Variants in MEP1A observed in about 807,000 individuals in gnomAD.
The protein encoded by MEP1A is N-benzoyl-L-tyrosyl-P-amino-benzoic acid hydrolase subunit alpha.
A neutral mutation model predicts 84.5 loss-of-function variants in MEP1A; 68 were observed. The ratio of observed to expected loss-of-function variants is 0.80; its 90% CI spans 0.66 to 0.98. MEP1A has a LOEUF of 0.98. Among genes scored for constraint, MEP1A ranks in the 50% least tolerant of loss-of-function variants. The pLI is 0.00. For missense variants in MEP1A, 887 were observed against 919.9 expected, an observed-to-expected ratio of 0.96 and a Z score of 0.46; for synonymous variants, 337 against 336.8, an observed-to-expected ratio of 1.00 and a Z score of -0.01.
At chr6:46,829,976 C>A (rs1336210105) in intron 10 of MEP1A, among the ~76,000 whole-genome samples, 1 of 151,926 alleles carries the variant, frequency 6.6e-6, no homozygotes, top group African/African-American at 2.4e-5. Context: ...AATAGTTGAC[C>A]AGCTCACGCC....
At chr6:46,796,494 C>T (rs1269196736) in intron 3 of MEP1A, among the ~76,000 whole-genome samples, 1 of 152,154 alleles carries the variant, frequency 6.6e-6, no homozygotes, top group Non-Finnish European at 1.5e-5. Flanking sequence ...TACTTTTCAC[C>T]ATTTGTCACA....
intron 7 of MEP1A, among the ~76,000 whole-genome samples, chr6:46,820,674 CA>C (rs904551661): frequency 3.9e-5 from 6 of 152,112 alleles, no homozygotes; most frequent in Non-Finnish European, 5.9e-5. Context: ...AGGCATGAGC[CA>C]CCACCGTGTC....
intron 5 of MEP1A, among the ~76,000 whole-genome samples, chr6:46,799,989 T>C (rs1244366971): frequency 1.3e-5 from 2 of 152,210 alleles, no homozygotes; most frequent in African/African-American, 4.8e-5. Flanking sequence ...ATGTAGATTA[T>C]GTTTCAGTAT....
intron 13 of MEP1A, 65 bp from the exon 14 acceptor site, chr6:46,838,915 G>A (rs1311994552): frequency 1.4e-6 from 2 of 1,394,012 alleles, no homozygotes; most frequent in East Asian, 2.3e-5. Context: ...GTGGAGATGA[G>A]TGTTGCTAGG....
chr6:46,809,081 T>G (rs1222969568), intron 5 of MEP1A, among the ~76,000 whole-genome samples: 1 of 152,108 alleles, frequency 6.6e-6, no homozygotes, highest in Non-Finnish European at 1.5e-5. Flanking sequence ...CAATGCACTC[T>G]AAATCTCTGC....
intron 5 of MEP1A, among the ~76,000 whole-genome samples, chr6:46,807,593 G>A (rs866723588): frequency 2.2e-4 from 20 of 91,146 alleles, no homozygotes; most frequent in South Asian, 4.4e-4. Flanking sequence ...AGGAAGGAAG[G>A]AAGGAAGGAA....
In MEP1A at chr6:46,831,871, A is replaced by G. The variant is rs145530496; in HGVS notation, c.1145-1203A>G. 4.5e-4 allele frequency among the ~76,000 whole-genome samples: 68 copies of G among 152,228 alleles called. No individual in the cohort carries two copies. The East Asian group carries it at 8.5e-3, about 19-fold the overall frequency. On this transcript the variant is annotated intron_variant, in intron 10 of 13. Transcript: ENST00000230588. ...GGAGAGGGCAGCTGCCTAGATTTGTATGTTACAGAGGTGGTCGTGTGCCTT... is the reference window on the plus strand; with the variant it reads ...GGAGAGGGCAGCTGCCTAGATTTGTGTGTTACAGAGGTGGTCGTGTGCCTT...
At chr6:46,818,931 G>A (rs1013343496) in intron 6 of MEP1A, among the ~76,000 whole-genome samples, 1 of 152,134 alleles carries the variant, frequency 6.6e-6, no homozygotes, top group East Asian at 1.9e-4. Context: ...TTTGAGACCA[G>A]GCTGGGCAAC....
chr6:46,835,411 G>A lies in MEP1A; in HGVS notation c.1946G>A (p.Ser649Asn). The A allele has an allele frequency of 6.2e-7, 1 of 1,612,250 alleles. No individual in the cohort carries two copies. Among genetic ancestry groups the A allele is most frequent in the Non-Finnish European group, 8.5e-7 (1 of 1,179,170 alleles). Residue 649 changes from serine (S) to asparagine (N), a missense_variant, in exon 13 of 14, where the codon AGC (serine) becomes AAC (asparagine). Coordinates refer to ENST00000230588, the MANE Select transcript of MEP1A (RefSeq NM_005588.3). ...GTCAGCCTGAGCCAGGGGCAGCCCA[G>A]CCGACAGAAGCGGTCGGTGGAGAAC... ...LPVSLSQGQP[S>N]RQKRSVENTG...
intron 6 of MEP1A, among the ~76,000 whole-genome samples, chr6:46,813,124 C>T (rs112732366): frequency 0.015 from 2,230 of 151,962 alleles, 49 homozygotes; most frequent in African/African-American, 0.05. Context: ...CTAGTAGTAA[C>T]AGTTTTATAA....
At position 46,825,431 on chromosome 6, in the gene MEP1A, T is replaced by A; in HGVS notation, c.716T>A (p.Ile239Asn). Reference sequence around the variant, plus strand: ...AAGATCCCTGAGTTTAACTCCATTATCGGACAGCGCCTGGATTTCAGTGCC... The same window carrying A: ...AAGATCCCTGAGTTTAACTCCATTAACGGACAGCGCCTGGATTTCAGTGCC... ...TAKIPEFNSI[I>N]GQRLDFSAID... The change falls in exon 8 of 14, where the codon ATC becomes AAC. Residue 239 changes from isoleucine (I) to asparagine (N), a missense_variant. By Grantham distance (149) the Ile-to-Asn change is moderately radical. Transcript: ENST00000230588. The A allele has an allele frequency of 6.2e-7, 1 of 1,613,924 alleles. No homozygotes were observed. Among genetic ancestry groups the A allele is most frequent in the Non-Finnish European group, 8.5e-7 (1 of 1,179,860 alleles).
chr6:46,811,883 T>C (rs537562659), intron 6 of MEP1A, among the ~76,000 whole-genome samples: 1 of 152,212 alleles, frequency 6.6e-6, no homozygotes, highest in South Asian at 2.1e-4. Flanking sequence ...CAGTACATTA[T>C]TGAGGATTTT....
intron 5 of MEP1A, among the ~76,000 whole-genome samples, chr6:46,802,149 A>AT (rs1193452078): frequency 1.3e-5 from 2 of 151,882 alleles, no homozygotes; most frequent in Non-Finnish European, 2.9e-5. Context: ...GAATGTGTTG[A>AT]TTCTGTACAT....
intron 6 of MEP1A, among the ~76,000 whole-genome samples, chr6:46,815,220 A>C (rs949827625): frequency 6.6e-6 from 1 of 152,154 alleles, no homozygotes; most frequent in African/African-American, 2.4e-5. Context: ...TGGAGCAGGG[A>C]TAGGCATGTC....
At chr6:46,818,147 G>A (rs1157798045) in intron 6 of MEP1A, among the ~76,000 whole-genome samples, 1 of 152,196 alleles carries the variant, frequency 6.6e-6, no homozygotes, top group Non-Finnish European at 1.5e-5. Context: ...AGAGAGGCAA[G>A]TTGATCATGG....
rs373966633 is a variant in MEP1A at position 46,838,017 on chromosome 6, G to A, written c.2085-963G>A. On this transcript the variant is annotated intron_variant, in intron 13 of 13. Transcript: ENST00000230588. Reference sequence around the variant, plus strand: ...AGCAATTCTACTGCCTCAGCCTCCCGAGTAGCTGGGATTACAGGTGCCCAC... The same window carrying A: ...AGCAATTCTACTGCCTCAGCCTCCCAAGTAGCTGGGATTACAGGTGCCCAC... Among the ~76,000 whole-genome samples, 1,091 of 150,972 alleles carry A rather than the reference G, an allele frequency of 7.2e-3. 13 individuals carry two copies. Among genetic ancestry groups the A allele is most frequent in the African/African-American group, 0.024 (967 of 41,128 alleles).
Position 46,834,566 on chromosome 6 carries a change from A to G in MEP1A, c.1610-12A>G. 1 of 1,580,938 alleles carries G rather than the reference A, an allele frequency of 6.3e-7. No individual in the cohort carries two copies. The highest frequency in any genetic ancestry group is 8.6e-7 in the Non-Finnish European group (1 of 1,161,452). On this transcript the variant is annotated splice_polypyrimidine_tract_variant and intron_variant, in intron 11 of 13. Coordinates refer to ENST00000230588, the MANE Select transcript of MEP1A (RefSeq NM_005588.3). ...GAGGTAATGTGATTTTATGTTACCT[A>G]CAACTTTGCAGCGATAAATGACACT...
intron 3 of MEP1A, 111 bp from the exon 4 acceptor site, chr6:46,798,495 A>G: frequency 3.2e-6 from 3 of 931,522 alleles, no homozygotes; most frequent in Non-Finnish European, 5.0e-6. Flanking sequence ...TTTGCCACAT[A>G]AAGATTAATA....
In MEP1A at chr6:46,793,547, T is replaced by G; in HGVS notation, c.70-5T>G. ...ATCCATTTTCTGTATATTTATTTTT[T>G]TCAGATTAAGTATCTTCCTGAAGAA... is the stretch of plus-strand genomic sequence containing the variant. On this transcript the variant is annotated splice_polypyrimidine_tract_variant and splice_region_variant and intron_variant, in intron 1 of 13. Coordinates refer to ENST00000230588, the MANE Select transcript of MEP1A (RefSeq NM_005588.3). The G allele has an allele frequency of 6.4e-7, 1 of 1,559,950 alleles. No individual in the cohort carries two copies. The highest frequency in any genetic ancestry group is 1.2e-5 in the South Asian group (1 of 85,052).
Sources: gnomAD v4.1 joint callset for allele counts (sites outside exome capture counted in the v4.1 genomes callset) on GRCh38, gnomAD v4.1.1 for gene constraint, MANE v1.5 for transcripts, NCBI Gene and HGNC (gene_info 2026-07-23, HGNC 2026-07-21) for gene names.